The following RALB variants were observed in gnomAD, a reference collection of about 807,000 sequenced individuals.
RALB encodes the protein RAS like proto-oncogene B.
Under a neutral mutation model 21.3 loss-of-function variants are expected in RALB, and 16 were observed. That is an observed-to-expected ratio of 0.75 (90% CI 0.51 to 1.14). RALB has a LOEUF of 1.14. Ranked by LOEUF, RALB falls within the 50% of genes most tolerant of loss-of-function variation. The pLI, the probability that RALB is intolerant of heterozygous loss-of-function variation, is 0.00. For missense variants in RALB, 161 were observed against 256.2 expected (o/e 0.63, Z 2.54); for synonymous variants, 93 against 96.1 (o/e 0.97, Z 0.19).
intron 1 of RALB, among the ~76,000 whole-genome samples, chr2:120,256,607 C>T (rs2104582519): frequency 6.6e-6 from 1 of 152,316 alleles, no homozygotes; most frequent in South Asian, 2.1e-4. Context: ...GTGGTTCCTT[C>T]TGCCATGATT....
chr2:120,248,278 C>T (rs895654589), upstream of RALB, among the ~76,000 whole-genome samples: 5 of 152,132 alleles, frequency 3.3e-5, no homozygotes, highest in African/African-American at 7.2e-5. Context: ...TCTAATAATA[C>T]GGTCTATGAA....
chr2:120,283,386 C>T (rs867676888), intron 2 of RALB, among the ~76,000 whole-genome samples: 4 of 152,198 alleles, frequency 2.6e-5, no homozygotes, highest in Non-Finnish European at 5.9e-5. Flanking sequence ...AGATTGGACA[C>T]CCCTGGTCTA....
Position 120,293,803 on chromosome 2 carries a change from A to G in RALB, c.*543A>G, listed in dbSNP as rs917054794. Reference sequence around the variant, plus strand: ...CTGTGGATCTGAAACAGCTAAAAAAATGAATTTGAATTGCGCCAGATAGGT... The same window carrying G: ...CTGTGGATCTGAAACAGCTAAAAAAGTGAATTTGAATTGCGCCAGATAGGT... On this transcript the variant is annotated 3_prime_UTR_variant, in exon 5 of 5. Coordinates refer to ENST00000272519, the MANE Select transcript of RALB (RefSeq NM_002881.3). The G allele has an allele frequency of 5.1e-6, 1 of 197,010 alleles. No homozygotes were observed. The highest frequency in any genetic ancestry group is 1.0e-5 in the Non-Finnish European group (1 of 98,554). 12.2% of individuals were successfully genotyped at this position (197,010 alleles called of 1,614,324 possible).
At chr2:120,266,904 G>A (rs1387713126) in intron 1 of RALB, among the ~76,000 whole-genome samples, 1 of 152,122 alleles carries the variant, frequency 6.6e-6, no homozygotes, top group African/African-American at 2.4e-5. Context: ...TCATCTTGGG[G>A]GAAATCACGA....
chr2:120,247,149 C>T (rs371328080), intron 1 of RALB, among the ~76,000 whole-genome samples: 4 of 151,886 alleles, frequency 2.6e-5, no homozygotes, highest in South Asian at 2.1e-4. Context: ...CATGCGTCTG[C>T]GGGAAGAGGG....
In RALB at chr2:120,293,749, A is replaced by AT. The variant is rs1690363095; in HGVS notation, c.*495dup. 2 of 164,920 alleles carry AT rather than the reference A, an allele frequency of 1.2e-5. No homozygotes were observed. The highest frequency in any genetic ancestry group is 2.6e-5 in the Non-Finnish European group (2 of 77,062). The allele number at this position is 164,920 out of a possible 1,614,324, so 10.2% of individuals were successfully genotyped here. ...TCTAAGAACACTGAAAAATCCACCG[A>AT]TTTTTTGGGTAAGCTTCTTGGCAAT... On this transcript the variant is annotated 3_prime_UTR_variant, in exon 5 of 5. Transcript: ENST00000272519.
chr2:120,262,307 C>A (rs544128485), intron 1 of RALB, among the ~76,000 whole-genome samples: 21 of 152,212 alleles, frequency 1.4e-4, no homozygotes, highest in Admixed American at 4.6e-4. Context: ...GGCCCTGAAG[C>A]ACATGGCATG....
intron 1 of RALB, among the ~76,000 whole-genome samples, chr2:120,256,348 A>G (rs1689198959): frequency 6.6e-6 from 1 of 152,192 alleles, no homozygotes; most frequent in Admixed American, 6.5e-5. Flanking sequence ...GATAATGATC[A>G]AGATGGAAGC....
chr2:120,276,611 GAAAA>G (rs1329782756), intron 1 of RALB, among the ~76,000 whole-genome samples: 2 of 137,030 alleles, frequency 1.5e-5, no homozygotes, highest in Non-Finnish European at 1.6e-5. Context: ...TCAAAAAAAA[GAAAA>G]AAAAAAAAGG....
intron 1 of RALB, among the ~76,000 whole-genome samples, chr2:120,258,366 A>AGT (rs1253781429): frequency 5.1e-4 from 77 of 152,134 alleles, no homozygotes; most frequent in African/African-American, 1.7e-3. Flanking sequence ...TCCTGAATGC[A>AGT]GTGTGTGTGT....
chr2:120,253,224 C>T, intron 1 of RALB: 1 of 357,500 alleles, frequency 2.8e-6, no homozygotes, highest in Non-Finnish European at 3.9e-6. Context: ...GTGGGGGCGG[C>T]CTCCGCCTCT....
chr2:120,258,863 A>G (rs1468846706), intron 1 of RALB, among the ~76,000 whole-genome samples: 2 of 151,998 alleles, frequency 1.3e-5, no homozygotes, highest in African/African-American at 2.4e-5. Context: ...GAAGCCGCGG[A>G]CCCTCGCGGT....
intron 2 of RALB, among the ~76,000 whole-genome samples, chr2:120,285,570 T>TAAAAAA (rs9308778): frequency 3.2e-4 from 49 of 151,430 alleles, no homozygotes; most frequent in Non-Finnish European, 5.0e-4. Context: ...AAAGTATAAT[T>TAAAAAA]AAAAAAGAAT....
intron 1 of RALB, among the ~76,000 whole-genome samples, chr2:120,243,510 T>C (rs966872467): frequency 6.6e-6 from 1 of 152,148 alleles, no homozygotes; most frequent in Non-Finnish European, 1.5e-5. Context: ...CACTGTCTCA[T>C]TGGAGTCCCC....
At chr2:120,246,056 G>C (rs1241630954) in intron 1 of RALB, among the ~76,000 whole-genome samples, 1 of 152,172 alleles carries the variant, frequency 6.6e-6, no homozygotes, top group Non-Finnish European at 1.5e-5. Flanking sequence ...CGCATTCCTC[G>C]AGCCTCTGAC....
At position 120,240,296 on chromosome 2, in the gene RALB, T is replaced by A. The variant is rs371348393; in HGVS notation, c.19+171T>A. Among the ~76,000 whole-genome samples, 892 of 151,706 alleles carry A rather than the reference T, an allele frequency of 5.9e-3. 22 individuals are homozygous for A. Among genetic ancestry groups the A allele is most frequent in the African/African-American group, 0.021 (859 of 41,178 alleles). On this transcript the variant is annotated intron_variant, in intron 1 of 3. Coordinates refer to the RALB transcript ENST00000447591. ...CTACTTTTTTATTTTTATTTTTATT[T>A]TTTTTTGAGACAGGGTCTCCCTCTG...
chr2:120,289,866 T>C, intron 4 of RALB, 109 bp downstream of exon 4: 1 of 1,005,388 alleles, frequency 9.9e-7, no homozygotes, highest in Non-Finnish European at 1.4e-6. Context: ...TAGGTGAAGA[T>C]TCTGATTCCT....
At chr2:120,281,816 G>C (rs3931842) in intron 2 of RALB, among the ~76,000 whole-genome samples, 105,540 of 152,030 alleles carry the variant, frequency 0.69, 37,241 homozygotes, top group Middle Eastern at 0.8. Context: ...TTGGGGAAGA[G>C]AGGGGGTGGT....
At chr2:120,291,977 C>T (rs980354979) in intron 4 of RALB, among the ~76,000 whole-genome samples, 2 of 152,198 alleles carry the variant, frequency 1.3e-5, no homozygotes, top group Non-Finnish European at 2.9e-5. Flanking sequence ...GGGCTGTGCT[C>T]AGTCCCACAC....
Sources: allele counts gnomAD v4.1 joint callset (sites outside exome capture counted in the v4.1 genomes callset), GRCh38; gene constraint gnomAD v4.1.1; transcripts MANE v1.5; gene names NCBI Gene and HGNC (gene_info 2026-07-23, HGNC 2026-07-21).